ZNF841: variants seen among roughly 807,000 people sequenced by gnomAD.
ZNF841 encodes the protein zinc finger protein 841, also known as TCONS_00006091.
ZNF841 carries 11 observed loss-of-function variants against 13.0 expected under a neutral mutation model. The ratio of observed to expected loss-of-function variants is 0.85; its 90% CI spans 0.53 to 1.40. The LOEUF is 1.40. Among genes scored for constraint, ZNF841 ranks in the 40% most tolerant of loss-of-function variants. The pLI is 0.00. For missense variants in ZNF841, 1,068 were observed against 1,139.5 expected, an observed-to-expected ratio of 0.94 and a Z score of 0.90; for synonymous variants, 369 against 381.6, an observed-to-expected ratio of 0.97 and a Z score of 0.38.
At chr19:52,063,734 G>C (rs1469499105), downstream of ZNF841, 3 of 152,232 alleles carry the variant, frequency 2.0e-5, no homozygotes, top group African/African-American at 7.2e-5. Context: ...CCATTTGGAT[G>C]TTCGGGTAAA....
Position 52,065,538 on chromosome 19 carries a change from G to A in ZNF841, c.2344C>T (p.Arg782Cys), listed in dbSNP as rs1216468591. The A allele has an allele frequency of 6.8e-6, 11 of 1,611,376 alleles. No homozygotes were observed. Among genetic ancestry groups the A allele is most frequent in the East Asian group, 2.2e-5 (1 of 44,642 alleles). ...KVFRYRSGLA[R>C]HWSIHTGEKP... The stretch of plus-strand genomic sequence containing the variant: ...TCTCCAGTATGAATACTCCAATGAC[G>A]TGCGAGGCCTGAGCGATAACGGAAG... Residue 782 changes from arginine (R) to cysteine (C), a missense_variant, in exon 7 of 7, where the codon CGT becomes TGT. Arg to Cys is a radical substitution (Grantham distance 180). Transcript: ENST00000594440.
In ZNF841 at chr19:52,065,748, T is replaced by A; in HGVS notation, c.2134A>T (p.Ser712Cys). 4.4e-6 allele frequency: 7 copies of A among 1,607,848 alleles called. No homozygotes were observed. Among genetic ancestry groups the A allele is most frequent in the Non-Finnish European group, 5.9e-6 (7 of 1,176,616 alleles). Residue 712 changes from serine to cysteine, a missense_variant, in exon 7 of 7, where the codon AGT becomes TGT. Transcript: ENST00000594440. ...NPTGEKPHKCSECGRTFSHKT... is the reference protein window; with the variant it reads ...NPTGEKPHKCCECGRTFSHKT... ...TGACTAAAAGTTCTACCACATTCAC[T>A]ACATTTGTGTGGTTTCTCCCCAGTA... is the stretch of plus-strand genomic sequence containing the variant.
intron 3 of ZNF841, among the ~76,000 whole-genome samples, chr19:52,085,421 G>C (rs553487991): frequency 6.6e-6 from 1 of 152,240 alleles, no homozygotes; most frequent in African/African-American, 2.4e-5. Context: ...GGCAAGACTA[G>C]CACAGCCCCA....
downstream of ZNF841, among the ~76,000 whole-genome samples, chr19:52,059,779 C>T (rs2087368128): frequency 6.6e-6 from 1 of 152,266 alleles, no homozygotes; most frequent in African/African-American, 2.4e-5. Context: ...GATGGGAAAA[C>T]CCTAACTTTC....
rs1275670959 is a variant in ZNF841 at position 52,066,300 on chromosome 19, G to A, written c.1582C>T (p.Leu528=). 10 of 1,613,806 alleles carry A rather than the reference G, an allele frequency of 6.2e-6. No homozygotes were observed. Among genetic ancestry groups the A allele is most frequent in the African/African-American group, 1.3e-5 (1 of 74,916 alleles). ...GTATGAATTCTCTGATGTACAGTTA[G>A]TAATGAGCCCCAATTAAAGGCTTTG... ...CGKAFNWGSL[L]TVHQRIHTGE... The change falls in exon 7 of 7, where the codon CTA becomes TTA. Residue 528 remains leucine, a synonymous_variant. Transcript: ENST00000594440.
In ZNF841 at chr19:52,084,803, C is replaced by G. The variant is rs987769391; in HGVS notation, c.-2G>C. On this transcript the variant is annotated 5_prime_UTR_variant, in exon 4 of 7. Coordinates refer to ENST00000594440, the MANE Select transcript of ZNF841 (RefSeq NM_001136499.2). ...TCACTTTACCTGAGGAAGAGCCATC[C>G]CTGGCTCCTTTTCTTTCTTCTTTCT... 2 of 1,613,220 alleles carry G rather than the reference C, an allele frequency of 1.2e-6. No homozygotes were observed. Among genetic ancestry groups the G allele is most frequent in the East Asian group, 2.2e-5 (1 of 44,858 alleles).
Position 52,065,217 on chromosome 19 carries a change from G to A in ZNF841, c.2665C>T (p.Arg889Cys), listed in dbSNP as rs772636691. The change falls in exon 7 of 7, where the codon CGC becomes TGC. Residue 889 changes from arginine (R) to cysteine (C), a missense_variant. By Grantham distance (180) the Arg-to-Cys change is radical. Coordinates refer to ENST00000594440, the MANE Select transcript of ZNF841 (RefSeq NM_001136499.2). ...ATCTGATGTTTAGTGAGGCCTGAGC[G>A]ACTAATGTAAGATTTGCCACACTCA... Reference protein sequence around the residue: ...CNECGKSYISRSGLTKHQIKH... With the variant: ...CNECGKSYISCSGLTKHQIKH... 1.4e-5 allele frequency: 22 copies of A among 1,612,732 alleles called. No homozygotes were observed. The highest frequency in any genetic ancestry group is 1.7e-5 in the Non-Finnish European group (20 of 1,179,388).
chr19:52,067,222 A>G lies in ZNF841; in HGVS notation c.660T>C (p.Ala220=), dbSNP rs1406928542. 3 of 1,549,916 alleles carry G rather than the reference A, an allele frequency of 1.9e-6. No homozygotes were observed. The highest frequency in any genetic ancestry group is 2.4e-5 in the East Asian group (1 of 40,908). ...IERTVNNCFL[A]SPLQRIFPGV... ...CAGGAAAAATTCTTTGAAGTGGTGA[A>G]GCTAAAAAACAATTATTAACTGTCC... Residue 220 remains alanine, a synonymous_variant, in exon 7 of 7, where the codon GCT becomes GCC. Transcript: ENST00000594440.
chr19:52,093,992 A>C (rs756988023), intron 1 of ZNF841, 21 bp from the exon 2 acceptor site: 2 of 150,968 alleles, frequency 1.3e-5, no homozygotes, highest in Non-Finnish European at 2.9e-5. Context: ...GAGAGAGACC[A>C]TGTCCCCCCC....
intron 1 of ZNF841, among the ~76,000 whole-genome samples, chr19:52,095,175 G>C (rs1276610366): frequency 2.0e-5 from 3 of 152,182 alleles, no homozygotes; most frequent in Non-Finnish European, 4.4e-5. Flanking sequence ...CAGGTAACCT[G>C]TCCCAACGGG....
At chr19:52,079,614 G>A (rs957604292) in intron 4 of ZNF841, among the ~76,000 whole-genome samples, 1 of 152,100 alleles carries the variant, frequency 6.6e-6, no homozygotes, top group Non-Finnish European at 1.5e-5. Flanking sequence ...CTGGATGTCT[G>A]AGCAGCAGCA....
At chr19:52,059,370 A>AAATATATATATAT in the ZNF841 span, among the ~76,000 whole-genome samples, 2 of 69,648 alleles carry the variant, frequency 2.9e-5, no homozygotes, top group African/African-American at 1.6e-4. Context: ...AAAAAAAAAA[A>AAATATATATATAT]ATATATATAT....
intron 4 of ZNF841, among the ~76,000 whole-genome samples, chr19:52,078,430 A>T (rs11671792): frequency 0.15 from 22,688 of 152,182 alleles, 2,182 homozygotes; most frequent in East Asian, 0.38. Flanking sequence ...AGAAATATGT[A>T]AAAAAGTTTT....
At chr19:52,073,250 A>C (rs1361330764) in intron 6 of ZNF841, among the ~76,000 whole-genome samples, 6 of 152,158 alleles carry the variant, frequency 3.9e-5, no homozygotes. Flanking sequence ...AAATTCTAGA[A>C]GAAAATCTAG....
intron 6 of ZNF841, among the ~76,000 whole-genome samples, chr19:52,072,324 G>A (rs2869602): frequency 0.45 from 68,938 of 151,932 alleles, 18,119 homozygotes; most frequent in African/African-American, 0.72. Context: ...TATATATCAA[G>A]TTGAACCTAA....
intron 2 of ZNF841, among the ~76,000 whole-genome samples, 167 bp from the exon 3 acceptor site, chr19:52,089,169 G>A (rs2088389037): frequency 1.3e-5 from 2 of 152,110 alleles, no homozygotes; most frequent in South Asian, 4.1e-4. Context: ...AATATGATTT[G>A]AGAAAAAGGG....
chr19:52,087,923 T>A (rs2088334536), intron 3 of ZNF841, among the ~76,000 whole-genome samples: 2 of 151,766 alleles, frequency 1.3e-5, no homozygotes, highest in Non-Finnish European at 1.5e-5. Flanking sequence ...TCTTCAATGA[T>A]GCACACATGC....
At chr19:52,083,692 CCT>C (rs757680311) in intron 4 of ZNF841, among the ~76,000 whole-genome samples, 7 of 151,686 alleles carry the variant, frequency 4.6e-5, no homozygotes, top group Non-Finnish European at 1.0e-4. Flanking sequence ...TTCTTGATGC[CCT>C]GTTTTTTACT....
At chr19:52,090,658 A>AAGGAAG (rs1568549617) in intron 2 of ZNF841, among the ~76,000 whole-genome samples, 26 of 83,148 alleles carry the variant, frequency 3.1e-4, no homozygotes, top group African/African-American at 1.5e-3. Context: ...AAGGAAGGAA[A>AAGGAAG]GAAAGAAAGA....
Sources: allele counts gnomAD v4.1 joint callset (sites outside exome capture counted in the v4.1 genomes callset), GRCh38; gene constraint gnomAD v4.1.1; transcripts MANE v1.5; gene names NCBI Gene and HGNC (gene_info 2026-07-23, HGNC 2026-07-21).